The following NOVA2 variants were observed in gnomAD, a reference collection of about 807,000 sequenced individuals.
The protein encoded by NOVA2 is NOVA alternative splicing regulator 2.
NOVA2 carries 9 observed loss-of-function variants against 22.5 expected under a neutral mutation model. That is an observed-to-expected ratio of 0.40 (90% CI 0.24 to 0.70). NOVA2 has a LOEUF of 0.70. Ranked by LOEUF, NOVA2 falls within the 30% of genes least tolerant of loss-of-function variation. NOVA2 has a pLI of 0.38. For missense variants in NOVA2, 383 were observed against 682.8 expected, an observed-to-expected ratio of 0.56 and a Z score of 4.89; for synonymous variants, 318 against 335.2, an observed-to-expected ratio of 0.95 and a Z score of 0.56.
intron 2 of NOVA2, among the ~76,000 whole-genome samples, chr19:45,959,222 G>A (rs1017102652): frequency 6.6e-6 from 1 of 152,052 alleles, no homozygotes; most frequent in Non-Finnish European, 1.5e-5. Flanking sequence ...TGGGATGTAG[G>A]ACTAGGATGT....
At chr19:45,957,410 A>C (rs1212774293) in intron 2 of NOVA2, among the ~76,000 whole-genome samples, 1 of 151,954 alleles carries the variant, frequency 6.6e-6, no homozygotes, top group Non-Finnish European at 1.5e-5. Flanking sequence ...ATGGTAATGG[A>C]CGCCTGTGAT....
chr19:45,941,525 C>T (rs1465658531), intron 3 of NOVA2, among the ~76,000 whole-genome samples: 1 of 151,954 alleles, frequency 6.6e-6, no homozygotes, highest in Non-Finnish European at 1.5e-5. Flanking sequence ...CCCTACCCCT[C>T]CTCTCCAGCA....
chr19:45,959,955 T>C (rs1404256787), intron 2 of NOVA2, among the ~76,000 whole-genome samples: 1 of 151,832 alleles, frequency 6.6e-6, no homozygotes, highest in Non-Finnish European at 1.5e-5. Context: ...GGACCAAAGA[T>C]GCAATTCAGG....
At position 45,973,472 on chromosome 19, in the gene NOVA2, G is replaced by A; in HGVS notation, c.-121C>T. The A allele has an allele frequency of 7.4e-6, 1 of 135,638 alleles. No individual in the cohort carries two copies. The highest frequency in any genetic ancestry group is 1.6e-5 in the Non-Finnish European group (1 of 63,628). The allele number at this position is 135,638 out of a possible 1,614,324, so 8.4% of individuals were successfully genotyped here. A position where few individuals can be genotyped will look rare whatever the true frequency, so the allele number is the denominator to read the frequency against. On this transcript the variant is annotated 5_prime_UTR_variant, in exon 1 of 4. Coordinates refer to ENST00000263257, the MANE Select transcript of NOVA2 (RefSeq NM_002516.4). ...GGGGTTGCGGCGGCGGCGGCGGCGGGGGCGGCGGCGGCTGCGGGGCCGCGG... is the reference window on the plus strand; with the variant it reads ...GGGGTTGCGGCGGCGGCGGCGGCGGAGGCGGCGGCGGCTGCGGGGCCGCGG...
At chr19:45,956,041 C>G (rs936363288) in intron 2 of NOVA2, among the ~76,000 whole-genome samples, 10 of 152,116 alleles carry the variant, frequency 6.6e-5, no homozygotes, top group African/African-American at 2.4e-4. Context: ...TCTGGCAGGC[C>G]AGCCTCGCCA....
intron 1 of NOVA2, among the ~76,000 whole-genome samples, chr19:45,972,337 T>G (rs1487582189): frequency 6.6e-6 from 1 of 151,904 alleles, no homozygotes; most frequent in Non-Finnish European, 1.5e-5. Context: ...CCACACCCTT[T>G]TCTTGTCACA....
chr19:45,941,357 T>TG (rs1208498868), intron 3 of NOVA2, among the ~76,000 whole-genome samples: 1 of 151,566 alleles, frequency 6.6e-6, no homozygotes, highest in Non-Finnish European at 1.5e-5. Flanking sequence ...TTAGTAGAGA[T>TG]GGGGCCTTGC....
chr19:45,971,170 G>A (rs7257625), intron 1 of NOVA2, among the ~76,000 whole-genome samples: 120,111 of 152,076 alleles, frequency 0.79, 47,657 homozygotes, highest in East Asian at 0.87. Context: ...ATTAACCCAT[G>A]TCTCAGAGTA....
chr19:45,943,285 G>T (rs1449695020), intron 3 of NOVA2, among the ~76,000 whole-genome samples: 2 of 151,302 alleles, frequency 1.3e-5, no homozygotes, highest in Non-Finnish European at 3.0e-5. Context: ...CGAACTCCTG[G>T]CCTCAAGTGA....
At chr19:45,963,260 T>TC (rs1968122535) in intron 1 of NOVA2, among the ~76,000 whole-genome samples, 1 of 151,740 alleles carries the variant, frequency 6.6e-6, no homozygotes, top group East Asian at 2.0e-4. Context: ...GTGCCTGTAG[T>TC]CCCAGCTACT....
chr19:45,965,098 C>T (rs573989622), intron 1 of NOVA2, among the ~76,000 whole-genome samples: 20 of 152,320 alleles, frequency 1.3e-4, no homozygotes, highest in East Asian at 3.9e-4. Context: ...AATTCATTCT[C>T]TTCCATGGAC....
intron 3 of NOVA2, among the ~76,000 whole-genome samples, chr19:45,950,470 A>G (rs1243008688): frequency 6.6e-6 from 1 of 152,094 alleles, no homozygotes; most frequent in Non-Finnish European, 1.5e-5. Context: ...CTGTTATGGG[A>G]AACATTCAAT....
At chr19:45,958,166 G>C (rs1379043107) in intron 2 of NOVA2, among the ~76,000 whole-genome samples, 1 of 151,936 alleles carries the variant, frequency 6.6e-6, no homozygotes, top group Non-Finnish European at 1.5e-5. Context: ...CTGACGCAAG[G>C]GAGTCTGTGT....
intron 1 of NOVA2, among the ~76,000 whole-genome samples, chr19:45,969,091 G>A (rs1968202034): frequency 6.6e-6 from 1 of 152,152 alleles, no homozygotes; most frequent in African/African-American, 2.4e-5. Context: ...CTCAGGAGGT[G>A]GAGGTTGCAG....
Position 45,940,524 on chromosome 19 carries a change from C to T in NOVA2, c.818G>A (p.Gly273Asp). ...CGTGCTGATGGCCAGCAGGTCGGTG[C>T]CTGAGAAGGCGGGCAGCGCGGCGGG... ...AFPAALPAFS[G>D]TDLLAISTAL... is the part of the protein sequence containing the mutation. Residue 273 changes from glycine (G) to aspartate (D), a missense_variant, in exon 4 of 4, where the codon GGC (glycine) becomes GAC (aspartate). By Grantham distance (94) the Gly-to-Asp change is moderately conservative. Around this residue, in one of 2 missense-constraint regions of NOVA2, gnomAD observed 349 missense variants for 578.1 expected, o/e 0.60. Transcript: ENST00000263257. 1 of 1,510,578 alleles carries T rather than the reference C, an allele frequency of 6.6e-7. No individual in the cohort carries two copies. The highest frequency in any genetic ancestry group is 8.8e-7 in the Non-Finnish European group (1 of 1,131,122). 93.6% of individuals were successfully genotyped at this position (1,510,578 alleles called of 1,614,324 possible). A position where few individuals can be genotyped will look rare whatever the true frequency, so the allele number is the denominator to read the frequency against.
At position 45,936,381 on chromosome 19, in the gene NOVA2, T is replaced by C. The variant is rs1165625669; in HGVS notation, c.*3482A>G. 2 of 151,482 alleles carry C rather than the reference T, an allele frequency of 1.3e-5. No individual in the cohort carries two copies. Among genetic ancestry groups the C allele is most frequent in the East Asian group, 3.9e-4 (2 of 5,168 alleles). The allele number at this position is 151,482 out of a possible 1,614,324, so 9.4% of individuals were successfully genotyped here. A position where few individuals can be genotyped will look rare whatever the true frequency, so the allele number is the denominator to read the frequency against. On this transcript the variant is annotated 3_prime_UTR_variant, in exon 4 of 4. Coordinates refer to ENST00000263257, the MANE Select transcript of NOVA2 (RefSeq NM_002516.4). ...TTTTTCTGTCTTTTTTTTTTTTTCT[T>C]ACAAAGATTCTAAGAAAAACTCAGG...
chr19:45,954,775 T>TG (rs1014061598), intron 2 of NOVA2, among the ~76,000 whole-genome samples: 1 of 141,132 alleles, frequency 7.1e-6, no homozygotes, highest in Admixed American at 7.1e-5. Flanking sequence ...AGAGAGAAAC[T>TG]GGGGGGTATT....
At chr19:45,941,029 C>A in intron 3 of NOVA2, 84 bp from the exon 4 acceptor site, 1 of 1,322,140 alleles carries the variant, frequency 7.6e-7, no homozygotes, top group Non-Finnish European at 1.0e-6. Flanking sequence ...GTGGCTGTCG[C>A]CTGTAATCCC....
chr19:45,955,290 T>C (rs1967988065), intron 2 of NOVA2, among the ~76,000 whole-genome samples: 1 of 152,080 alleles, frequency 6.6e-6, no homozygotes, highest in Non-Finnish European at 1.5e-5. Context: ...TATACACATA[T>C]GTACAGGAGA....
Sources: allele counts gnomAD v4.1 joint callset (sites outside exome capture counted in the v4.1 genomes callset), GRCh38; gene constraint gnomAD v4.1.1; regional missense constraint gnomAD v4.1.1; transcripts MANE v1.5; gene names NCBI Gene and HGNC (gene_info 2026-07-23, HGNC 2026-07-21).